PTPRN2: variants seen among roughly 807,000 people sequenced by gnomAD.
PTPRN2 encodes the protein protein tyrosine phosphatase receptor type N2.
In PTPRN2, 74 loss-of-function variants were observed where a neutral mutation model predicts 118.8. The observed-to-expected ratio is 0.62, with a 90% CI of 0.52 to 0.76. PTPRN2 has a LOEUF of 0.76. Among genes scored for constraint, PTPRN2 ranks in the 30% least tolerant of loss-of-function variants. PTPRN2 has a pLI of 0.00. For missense variants in PTPRN2, 1,481 were observed against 1,394.4 expected (o/e 1.06, Z -0.99); for synonymous variants, 641 against 608.0 (o/e 1.05, Z -0.80).
intron 3 of PTPRN2, among the ~76,000 whole-genome samples, chr7:158,281,755 A>C (rs1799442222): frequency 6.6e-6 from 1 of 152,132 alleles, no homozygotes; most frequent in Non-Finnish European, 1.5e-5. Context: ...AGGAGAGCCC[A>C]AAATCCCCAT....
intron 1 of PTPRN2, among the ~76,000 whole-genome samples, chr7:158,573,096 C>G (rs1490921207): frequency 6.6e-6 from 1 of 152,222 alleles, no homozygotes; most frequent in African/African-American, 2.4e-5. Context: ...CTGAGGCACA[C>G]AGTAATGTAT....
intron 11 of PTPRN2, among the ~76,000 whole-genome samples, chr7:158,007,255 C>T (rs890082544): frequency 1.4e-4 from 21 of 152,316 alleles, no homozygotes; most frequent in African/African-American, 4.6e-4. Context: ...GGGGAACACA[C>T]GTCAGCCCAT....
In PTPRN2 at chr7:157,845,691, A is replaced by G. The variant is rs1169634826; in HGVS notation, c.1788+52982T>C. ...CCCGCGGGGCAGGTGGGTGCACAGG[A>G]AAGAAACCAACATGGAGCTGAGGCC... On this transcript the variant is annotated intron_variant, in intron 12 of 22. Coordinates refer to ENST00000389418, the MANE Select transcript of PTPRN2 (RefSeq NM_002847.5). The surrounding 1 kb of genome is among the most constrained non-coding windows in gnomAD (Gnocchi z 4.5). Among the ~76,000 whole-genome samples, 6 of 152,200 alleles carry G rather than the reference A, an allele frequency of 3.9e-5. No homozygotes were observed. The highest frequency in any genetic ancestry group is 1.4e-4 in the African/African-American group (6 of 41,454).
chr7:158,246,936 T>A lies in PTPRN2; in HGVS notation c.278-41663A>T, dbSNP rs373686586. Among the ~76,000 whole-genome samples, 557 of 152,242 alleles carry A rather than the reference T, an allele frequency of 3.7e-3. 5 individuals carry two copies. Among genetic ancestry groups the A allele is most frequent in the African/African-American group, 0.011 (469 of 41,494 alleles). On this transcript the variant is annotated intron_variant, in intron 3 of 22. Transcript: ENST00000389418. Reference sequence around the variant, plus strand: ...AGGAATGCGCGGCCTGTTGAGTTTCTGTGATGAGGCCATCAGAAGCCATCT... The same window carrying A: ...AGGAATGCGCGGCCTGTTGAGTTTCAGTGATGAGGCCATCAGAAGCCATCT...
chr7:158,166,677 C>G (rs1823032077), intron 6 of PTPRN2, among the ~76,000 whole-genome samples: 1 of 152,162 alleles, frequency 6.6e-6, no homozygotes, highest in Non-Finnish European at 1.5e-5. Flanking sequence ...ATCCCACTGT[C>G]AGGATCACCT....
rs369999687 is a variant in PTPRN2, at chr7:158,009,126, G to C, written c.1723+72172C>G. 3.9e-5 allele frequency among the ~76,000 whole-genome samples: 6 copies of C among 152,184 alleles called. No homozygotes were observed. In the East Asian group the frequency reaches 1.2e-3, roughly 29 times the overall value. On this transcript the variant is annotated intron_variant, in intron 11 of 22. Coordinates refer to ENST00000389418, the MANE Select transcript of PTPRN2 (RefSeq NM_002847.5). The stretch of plus-strand genomic sequence containing the variant: ...ACAGAGCCCCAGGAGGCCCCACCTG[G>C]TGCCCGTGACCGACCCCCTCAGTGA...
At chr7:157,978,498 T>C in intron 11 of PTPRN2, among the ~76,000 whole-genome samples, 1 of 152,032 alleles carries the variant, frequency 6.6e-6, no homozygotes, top group East Asian at 1.9e-4. Flanking sequence ...AGACAGTTTC[T>C]GGCAAGGCAA....
At chr7:158,133,014 A>G (rs1361059349) in intron 9 of PTPRN2, among the ~76,000 whole-genome samples, 1 of 152,214 alleles carries the variant, frequency 6.6e-6, no homozygotes, top group Non-Finnish European at 1.5e-5. Context: ...TAACGGGGTG[A>G]CCTGAGAACG....
At chr7:158,206,422 C>T (rs1217522698) in intron 3 of PTPRN2, among the ~76,000 whole-genome samples, 1 of 151,506 alleles carries the variant, frequency 6.6e-6, no homozygotes, top group African/African-American at 2.5e-5. Flanking sequence ...GAATAATCAA[C>T]AGTGGTACCC....
rs1336201078 is a variant in PTPRN2, at chr7:158,089,826, C to A, written c.1644-8449G>T. ...TGACGAAAGAGGGAGTCTTCACACA[C>A]ATCCTTCCTCCCCTGATGAAAGAGG... On this transcript the variant is annotated intron_variant, in intron 10 of 22. Coordinates refer to ENST00000389418, the MANE Select transcript of PTPRN2 (RefSeq NM_002847.5). Among the ~76,000 whole-genome samples the A allele has an allele frequency of 1.7e-3, 174 of 105,074 alleles. 6 individuals carry two copies. Among genetic ancestry groups the A allele is most frequent in the African/African-American group, 5.1e-3 (145 of 28,164 alleles). The allele number at this position is 105,074 out of a possible 152,430, so 68.9% of individuals were successfully genotyped here.
intron 1 of PTPRN2, among the ~76,000 whole-genome samples, chr7:158,581,344 A>G (rs558169648): frequency 6.6e-6 from 1 of 152,282 alleles, no homozygotes; most frequent in African/African-American, 2.4e-5. Flanking sequence ...TGAACATGGA[A>G]GGCTCAGGGG....
intron 3 of PTPRN2, among the ~76,000 whole-genome samples, chr7:158,229,614 C>T (rs972416392): frequency 2.6e-5 from 4 of 151,790 alleles, no homozygotes; most frequent in African/African-American, 9.7e-5. Context: ...TCATTATAGC[C>T]TCTCAAAAGC....
At chr7:157,849,573 A>G (rs889027394) in intron 12 of PTPRN2, among the ~76,000 whole-genome samples, 1 of 152,224 alleles carries the variant, frequency 6.6e-6, no homozygotes, top group Non-Finnish European at 1.5e-5. Flanking sequence ...TCAGCTGCAT[A>G]TAACAGAAAA....
At chr7:157,544,109 GTGGAGAGAGA>G (rs1213131870) in intron 22 of PTPRN2, among the ~76,000 whole-genome samples, 6 of 150,216 alleles carry the variant, frequency 4.0e-5, no homozygotes, top group African/African-American at 1.5e-4. Context: ...GCGGAGAGAG[GTGGAGAGAGA>G]TGGAGAGAGG....
Position 157,590,540 on chromosome 7 carries a change from G to A in PTPRN2, c.2496+4698C>T, listed in dbSNP as rs1800922681. Among the ~76,000 whole-genome samples, 1 of 152,236 alleles carries A rather than the reference G, an allele frequency of 6.6e-6. No individual in the cohort carries two copies. The highest frequency in any genetic ancestry group is 1.5e-5 in the Non-Finnish European group (1 of 68,042). On this transcript the variant is annotated intron_variant, in intron 17 of 22. Coordinates refer to ENST00000389418, the MANE Select transcript of PTPRN2 (RefSeq NM_002847.5). The surrounding 1 kb of genome is among the most constrained non-coding windows in gnomAD (Gnocchi z 4.0). Reference sequence around the variant, plus strand: ...AGTGTCCATATAGAGCTGGTTCACTGCAGGAAAGCACCATGTGTGCAGTGA... The same window carrying A: ...AGTGTCCATATAGAGCTGGTTCACTACAGGAAAGCACCATGTGTGCAGTGA...
chr7:158,342,047 C>T (rs1293092673), intron 2 of PTPRN2, among the ~76,000 whole-genome samples: 8 of 145,642 alleles, frequency 5.5e-5, no homozygotes, highest in South Asian at 2.2e-4. Context: ...AGAGCTGACA[C>T]CCGCAGACGT....
intron 11 of PTPRN2, among the ~76,000 whole-genome samples, chr7:157,993,563 G>A (rs1009482120): frequency 1.3e-5 from 2 of 152,144 alleles, no homozygotes; most frequent in Non-Finnish European, 2.9e-5. Flanking sequence ...GGTGGCGATC[G>A]GAATCATCTG....
chr7:157,722,404 C>T (rs374464206), intron 12 of PTPRN2, among the ~76,000 whole-genome samples: 16 of 152,066 alleles, frequency 1.1e-4, no homozygotes, highest in African/African-American at 2.9e-4. Context: ...AGGGGCAGGG[C>T]GGGGGTGCAG....
chr7:158,028,240 C>T (rs1374047480), intron 11 of PTPRN2: 3 of 152,274 alleles, frequency 2.0e-5, no homozygotes, highest in Non-Finnish European at 2.9e-5. Flanking sequence ...CCTGACAGGA[C>T]CCTCTCCTCA....
Sources: gnomAD v4.1 joint callset for allele counts (sites outside exome capture counted in the v4.1 genomes callset) on GRCh38, gnomAD v4.1.1 for gene constraint, Gnocchi (gnomAD v3.1) non-coding constraint, MANE v1.5 for transcripts, NCBI Gene and HGNC (gene_info 2026-07-23, HGNC 2026-07-21) for gene names.